The following EPSTI1 variants were observed in gnomAD, a reference collection of about 807,000 sequenced individuals.
EPSTI1 encodes epithelial stromal interaction 1.
In EPSTI1, 66 loss-of-function variants were observed where a neutral mutation model predicts 49.9. The ratio of observed to expected loss-of-function variants is 1.32; its 90% CI spans 1.08 to 1.62. The LOEUF (loss-of-function observed/expected upper bound fraction) is 1.62, where lower values mean the gene tolerates loss of function less well. EPSTI1 is among the 40% of genes most tolerant of loss of function. The pLI, the probability that EPSTI1 is intolerant of heterozygous loss-of-function variation, is 0.00. For missense variants in EPSTI1, 394 were observed against 365.5 expected (o/e 1.08, Z -0.64); for synonymous variants, 137 against 130.7 (o/e 1.05, Z -0.33).
Position 42,888,471 on chromosome 13 carries a change from G to A in EPSTI1, c.*23C>T, listed in dbSNP as rs11557739. Reference sequence around the variant, plus strand: ...GGCTTTTCGAGGTCAGTTGATGAAGGCCAGATAGGAGTCAATATTTTCTCA... The same window carrying A: ...GGCTTTTCGAGGTCAGTTGATGAAGACCAGATAGGAGTCAATATTTTCTCA... On this transcript the variant is annotated 3_prime_UTR_variant, in exon 11 of 11. Transcript: ENST00000313624. 0.075 allele frequency: 121,156 copies of A among 1,613,686 alleles called. 5,273 individuals carry two copies. The highest frequency in any genetic ancestry group is 0.12 in the Admixed American group (6,899 of 59,980).
At chr13:42,985,965 C>G (rs1009635279) in intron 1 of EPSTI1, among the ~76,000 whole-genome samples, 2 of 152,224 alleles carry the variant, frequency 1.3e-5, no homozygotes, top group Admixed American at 1.3e-4. Flanking sequence ...TGTTTCCTCA[C>G]TGAGAATGTC....
At chr13:42,980,472 G>A (rs369314250) in intron 1 of EPSTI1, among the ~76,000 whole-genome samples, 3 of 152,168 alleles carry the variant, frequency 2.0e-5, no homozygotes, top group South Asian at 2.1e-4. Flanking sequence ...AGGAGCAAAG[G>A]CACATCTTAC....
At chr13:42,985,164 A>G (rs1378831530) in intron 1 of EPSTI1, among the ~76,000 whole-genome samples, 3 of 152,190 alleles carry the variant, frequency 2.0e-5, no homozygotes, top group Non-Finnish European at 4.4e-5. Flanking sequence ...GGCCCTCCCA[A>G]AGAAAATCAT....
intron 8 of EPSTI1, among the ~76,000 whole-genome samples, chr13:42,914,766 G>A (rs1031594065): frequency 6.6e-5 from 10 of 152,140 alleles, no homozygotes; most frequent in Middle Eastern, 3.2e-3. Flanking sequence ...AGAAGTTCAC[G>A]TGTGCTCTAT....
At chr13:42,927,067 C>T (rs992990009) in intron 6 of EPSTI1, among the ~76,000 whole-genome samples, 1 of 151,632 alleles carries the variant, frequency 6.6e-6, no homozygotes, top group South Asian at 2.1e-4. Flanking sequence ...GATAAACCCT[C>T]CATAGGGTTT....
chr13:42,988,838 T>A (rs1013414354), intron 1 of EPSTI1, among the ~76,000 whole-genome samples: 2 of 124,028 alleles, frequency 1.6e-5, no homozygotes, highest in African/African-American at 5.8e-5. Flanking sequence ...TTTCTTTCTA[T>A]GCAAATAGGT....
At chr13:42,979,398 G>A (rs570984762) in intron 1 of EPSTI1, among the ~76,000 whole-genome samples, 15 of 152,054 alleles carry the variant, frequency 9.9e-5, no homozygotes, top group Non-Finnish European at 1.9e-4. Context: ...CTAACACGGC[G>A]AAGCCCCGTC....
At chr13:42,945,346 C>A (rs913656143) in intron 6 of EPSTI1, among the ~76,000 whole-genome samples, 5 of 152,180 alleles carry the variant, frequency 3.3e-5, no homozygotes, top group African/African-American at 1.2e-4. Flanking sequence ...TTACCTCCGG[C>A]CAGGTCCCTC....
At chr13:42,909,735 A>C (rs1326936974) in intron 8 of EPSTI1, among the ~76,000 whole-genome samples, 1 of 152,066 alleles carries the variant, frequency 6.6e-6, no homozygotes, top group Non-Finnish European at 1.5e-5. Context: ...AGCTGATCTC[A>C]TAGAAATAGA....
At chr13:42,946,258 G>A (rs2038914473) in intron 6 of EPSTI1, among the ~76,000 whole-genome samples, 1 of 152,172 alleles carries the variant, frequency 6.6e-6, no homozygotes, top group South Asian at 2.1e-4. Flanking sequence ...TAAAGAAGAT[G>A]CATGGTTTCA....
intron 1 of EPSTI1, among the ~76,000 whole-genome samples, chr13:42,978,744 A>C (rs1436843777): frequency 6.6e-6 from 1 of 152,228 alleles, no homozygotes; most frequent in East Asian, 1.9e-4. Context: ...AACTAAGGGG[A>C]CATCTATTGC....
chr13:42,890,122 A>G (rs2036985903), intron 10 of EPSTI1, among the ~76,000 whole-genome samples: 1 of 152,074 alleles, frequency 6.6e-6, no homozygotes. Context: ...GTCCCCATAT[A>G]TACTTCTTTA....
At chr13:42,892,854 T>G (rs2037077498) in intron 10 of EPSTI1, among the ~76,000 whole-genome samples, 1 of 152,140 alleles carries the variant, frequency 6.6e-6, no homozygotes, top group African/African-American at 2.4e-5. Context: ...ATGCAAGGAA[T>G]TCAGCAAAGA....
At position 42,944,293 on chromosome 13, in the gene EPSTI1, G is replaced by A. The variant is rs893061631; in HGVS notation, c.563+9655C>T. ...CCAAATGCCCATCAATGTTGGGCTG[G>A]ATAAAGAAAATGTGGCACATATACA... On this transcript the variant is annotated intron_variant, in intron 6 of 10. Coordinates refer to ENST00000313624, the MANE Select transcript of EPSTI1 (RefSeq NM_033255.5). Among the ~76,000 whole-genome samples the A allele has an allele frequency of 2.6e-5, 4 of 152,318 alleles. No individual in the cohort carries two copies. In the East Asian group the frequency reaches 7.7e-4, roughly 29 times the overall value.
intron 9 of EPSTI1, among the ~76,000 whole-genome samples, chr13:42,897,675 A>G (rs1331615621): frequency 4.6e-5 from 7 of 152,206 alleles, no homozygotes; most frequent in African/African-American, 1.7e-4. Context: ...ACTTTTGAGC[A>G]TCAGTTACTA....
chr13:42,988,299 G>A (rs1289457008), intron 1 of EPSTI1, among the ~76,000 whole-genome samples: 1 of 152,186 alleles, frequency 6.6e-6, no homozygotes, highest in Non-Finnish European at 1.5e-5. Flanking sequence ...TTAGAAGTTT[G>A]TGTAAGCTTT....
Position 42,894,951 on chromosome 13 carries a change from C to A in EPSTI1, c.915+58G>T, listed in dbSNP as rs529862213. On this transcript the variant is annotated intron_variant, in intron 10 of 10. Transcript: ENST00000313624. The stretch of plus-strand genomic sequence containing the variant: ...AAGGCCAAAACATATATTAAAAATT[C>A]TCATTGTTTTTATTCTTCAACATTG... 7.8e-5 allele frequency: 113 copies of A among 1,445,100 alleles called. 1 individual carries two copies. The African/African-American group carries it at 1.4e-3, about 18-fold the overall frequency. 89.5% of individuals were successfully genotyped at this position (1,445,100 alleles called of 1,614,324 possible). A position where few individuals can be genotyped will look rare whatever the true frequency, so the allele number is the denominator to read the frequency against.
intron 9 of EPSTI1, among the ~76,000 whole-genome samples, chr13:42,899,964 C>A (rs2037306614): frequency 3.3e-5 from 5 of 152,152 alleles, no homozygotes; most frequent in Admixed American, 3.3e-4. Flanking sequence ...ATAACTAAGT[C>A]TATAAATGGT....
At chr13:42,940,996 T>A (rs1020366066) in intron 6 of EPSTI1, among the ~76,000 whole-genome samples, 3 of 152,276 alleles carry the variant, frequency 2.0e-5, no homozygotes, top group South Asian at 2.1e-4. Context: ...GAGGCAAATA[T>A]TTTTTCCTAG....
Sources: gnomAD v4.1 joint callset for allele counts (sites outside exome capture counted in the v4.1 genomes callset) on GRCh38, gnomAD v4.1.1 for gene constraint, MANE v1.5 for transcripts, NCBI Gene and HGNC (gene_info 2026-07-23, HGNC 2026-07-21) for gene names.